Variants in GALNT10 observed in about 807,000 individuals in gnomAD.
GALNT10 encodes the protein GalNAc transferase 10.
In GALNT10, 41 loss-of-function variants were observed where a neutral mutation model predicts 75.0. The observed-to-expected ratio is 0.55, with a 90% CI of 0.43 to 0.71. The LOEUF (loss-of-function observed/expected upper bound fraction) is 0.71, where lower values mean the gene tolerates loss of function less well. GALNT10 is among the 30% of genes least tolerant of loss of function. GALNT10 has a pLI of 0.00. For missense variants in GALNT10, 727 were observed against 818.5 expected (o/e 0.89, Z 1.36); for synonymous variants, 302 against 313.0 (o/e 0.96, Z 0.37).
chr5:154,403,943 A>T, intron 7 of GALNT10, 161 bp from the exon 8 acceptor site: 1 of 696,302 alleles, frequency 1.4e-6, no homozygotes, highest in East Asian at 2.7e-5. Context: ...TACCGCTGTT[A>T]TTATATTACT....
At chr5:154,386,766 A>C in intron 7 of GALNT10, 1 of 511,530 alleles carries the variant, frequency 2.0e-6, no homozygotes, top group Non-Finnish European at 3.4e-6. Context: ...GCAAATAAGC[A>C]GTGGGCCAGA....
chr5:154,356,043 C>G, intron 4 of GALNT10: 1 of 438,140 alleles, frequency 2.3e-6, no homozygotes. Context: ...TTCCTGAAAG[C>G]CTCTGTTTTG....
chr5:154,289,997 T>A (rs1391629003), intron 1 of GALNT10, among the ~76,000 whole-genome samples: 1 of 152,206 alleles, frequency 6.6e-6, no homozygotes, highest in African/African-American at 2.4e-5. Context: ...TGGATTGTCC[T>A]CAGAGGCTCC....
At chr5:154,380,689 G>A (rs1042540110) in intron 6 of GALNT10, 58 bp downstream of exon 6, 22 of 1,196,902 alleles carry the variant, frequency 1.8e-5, no homozygotes, top group East Asian at 4.8e-5. Flanking sequence ...CTCCCAACAC[G>A]CACACAACTC....
intron 1 of GALNT10, among the ~76,000 whole-genome samples, chr5:154,273,120 C>T (rs1420603951): frequency 6.6e-6 from 1 of 152,114 alleles, no homozygotes; most frequent in African/African-American, 2.4e-5. Flanking sequence ...GAGGTTAACA[C>T]TGCACTCAGA....
chr5:154,405,333 T>G (rs1756255285), intron 8 of GALNT10, among the ~76,000 whole-genome samples: 1 of 152,106 alleles, frequency 6.6e-6, no homozygotes, highest in African/African-American at 2.4e-5. Context: ...GGAGCTGAGC[T>G]CCGGGAAGTG....
chr5:154,380,658 C>A (rs976516185), intron 6 of GALNT10, 27 bp downstream of exon 6: 8 of 1,535,666 alleles, frequency 5.2e-6, no homozygotes, highest in Middle Eastern at 1.8e-4. Context: ...CTGGCTGGTC[C>A]CAGTGGCTAC....
At chr5:154,364,437 A>G (rs1044227583) in intron 4 of GALNT10, among the ~76,000 whole-genome samples, 2 of 152,198 alleles carry the variant, frequency 1.3e-5, no homozygotes, top group African/African-American at 2.4e-5. Context: ...GAAGATCCCA[A>G]TGCAGAAGCA....
intron 10 of GALNT10, among the ~76,000 whole-genome samples, chr5:154,413,725 A>T (rs1026172743): frequency 6.6e-6 from 1 of 152,192 alleles, no homozygotes; most frequent in African/African-American, 2.4e-5. Context: ...GGTTACAGTG[A>T]TTGTGCCATG....
intron 1 of GALNT10, among the ~76,000 whole-genome samples, chr5:154,253,334 T>C (rs1282063792): frequency 1.4e-5 from 2 of 140,150 alleles, no homozygotes; most frequent in Admixed American, 7.8e-5. Context: ...TAGGTGGGAA[T>C]TGAACAATGA....
chr5:154,254,510 C>CTT (rs1162459433), intron 1 of GALNT10, among the ~76,000 whole-genome samples: 48 of 138,390 alleles, frequency 3.5e-4, no homozygotes, highest in South Asian at 2.3e-4. Context: ...TATTTCTTTT[C>CTT]TTTTTTTTTT....
intron 1 of GALNT10, among the ~76,000 whole-genome samples, chr5:154,293,126 C>T (rs1365896256): frequency 6.6e-6 from 1 of 152,156 alleles, no homozygotes; most frequent in African/African-American, 2.4e-5. Flanking sequence ...TGTGGAAAAC[C>T]TGCTAACACA....
intron 4 of GALNT10, chr5:154,337,913 G>T (rs1754968860): frequency 2.9e-6 from 4 of 1,385,480 alleles, no homozygotes; most frequent in Non-Finnish European, 4.0e-6. Flanking sequence ...TACATTTGTG[G>T]CCATTCACAG....
intron 1 of GALNT10, among the ~76,000 whole-genome samples, chr5:154,194,835 A>G (rs555324458): frequency 6.6e-6 from 1 of 152,354 alleles, no homozygotes; most frequent in East Asian, 1.9e-4. Flanking sequence ...TTAACGACAT[A>G]TGGAAACTCA....
rs143685925 is a variant in GALNT10 at position 154,198,239 on chromosome 5, C to T, written c.159+7214C>T. Among the ~76,000 whole-genome samples, 171 of 152,294 alleles carry T rather than the reference C, an allele frequency of 1.1e-3. 1 individual carries two copies. In the South Asian group the frequency reaches 0.015, roughly 14 times the overall value. ...GCTTGGGCAAGCTTGACCTGTGTGC[C>T]TGGAATTCTTGGTCTGTAAAATGGT... is the stretch of plus-strand genomic sequence containing the variant. On this transcript the variant is annotated intron_variant, in intron 1 of 11. Coordinates refer to ENST00000297107, the MANE Select transcript of GALNT10 (RefSeq NM_198321.4).
At chr5:154,321,021 A>G (rs1385288117) in intron 3 of GALNT10, among the ~76,000 whole-genome samples, 1 of 152,198 alleles carries the variant, frequency 6.6e-6, no homozygotes, top group African/African-American at 2.4e-5. Context: ...TTTTTCCCTC[A>G]GCATTTCTTT....
chr5:154,246,436 A>G (rs13183551), intron 1 of GALNT10, among the ~76,000 whole-genome samples: 96,279 of 151,950 alleles, frequency 0.63, 31,126 homozygotes, highest in East Asian at 0.86. Context: ...CAGTGCAAAA[A>G]TGTTCCTATT....
intron 1 of GALNT10, among the ~76,000 whole-genome samples, chr5:154,277,090 A>G (rs1581951921): frequency 6.6e-6 from 1 of 152,282 alleles, no homozygotes; most frequent in Middle Eastern, 3.4e-3. Flanking sequence ...TCAAAGGACT[A>G]CACATCAGTC....
chr5:154,329,812 C>T, intron 4 of GALNT10, 74 bp downstream of exon 4: 4 of 1,093,434 alleles, frequency 3.7e-6, no homozygotes, highest in Non-Finnish European at 5.5e-6. Flanking sequence ...GGCAGGTTTT[C>T]CCTTCTTTAG....
Sources: allele counts gnomAD v4.1 joint callset (sites outside exome capture counted in the v4.1 genomes callset), GRCh38; gene constraint gnomAD v4.1.1; transcripts MANE v1.5; gene names NCBI Gene and HGNC (gene_info 2026-07-23, HGNC 2026-07-21).